The following EFCAB5 variants were observed in gnomAD, a reference collection of about 807,000 sequenced individuals.
The protein encoded by EFCAB5 is EF-hand calcium binding domain 5.
A neutral mutation model predicts 167.9 loss-of-function variants in EFCAB5; 131 were observed. That is an observed-to-expected ratio of 0.78 (90% CI 0.68 to 0.90). The LOEUF (loss-of-function observed/expected upper bound fraction) is 0.90. EFCAB5 is among the 40% of genes least tolerant of loss of function. The pLI is 0.00. For synonymous variants in EFCAB5, 574 were observed against 602.8 expected (o/e 0.95, Z 0.70); for missense variants, 1,663 against 1,745.2 (o/e 0.95, Z 0.84).
intron 3 of EFCAB5, among the ~76,000 whole-genome samples, chr17:29,955,195 T>A (rs542286116): frequency 6.6e-6 from 1 of 152,114 alleles, no homozygotes; most frequent in Admixed American, 6.5e-5. Flanking sequence ...AAGGGATGAT[T>A]GGTTTTGGAA....
At chr17:29,988,917 T>C (rs948801714) in intron 4 of EFCAB5, among the ~76,000 whole-genome samples, 14 of 152,338 alleles carry the variant, frequency 9.2e-5, no homozygotes, top group African/African-American at 3.4e-4. Context: ...GAGTCTTCTC[T>C]GGATCTATTC....
At chr17:30,032,333 A>G (rs2069499886) in intron 7 of EFCAB5, among the ~76,000 whole-genome samples, 1 of 152,162 alleles carries the variant, frequency 6.6e-6, no homozygotes, top group African/African-American at 2.4e-5. Context: ...CTCAGTTCAC[A>G]TGGAGGAATC....
chr17:30,084,590 T>C (rs906974256), intron 18 of EFCAB5, among the ~76,000 whole-genome samples: 1 of 151,962 alleles, frequency 6.6e-6, no homozygotes, highest in Admixed American at 6.6e-5. Context: ...GGGTTGTGAG[T>C]GAGATCATGG....
intron 14 of EFCAB5, among the ~76,000 whole-genome samples, chr17:30,075,250 T>TAAG (rs1435736016): frequency 6.6e-6 from 1 of 152,214 alleles, no homozygotes; most frequent in Non-Finnish European, 1.5e-5. Context: ...TTACTACATT[T>TAAG]AAGTTTTAAC....
intron 22 of EFCAB5, among the ~76,000 whole-genome samples, chr17:30,093,142 A>T (rs1374644667): frequency 6.6e-6 from 1 of 152,266 alleles, no homozygotes; most frequent in Non-Finnish European, 1.5e-5. Flanking sequence ...ATTCAAAAGC[A>T]CATCTATCTC....
At chr17:30,061,086 A>G (rs764012989) in intron 14 of EFCAB5, among the ~76,000 whole-genome samples, 7 of 152,270 alleles carry the variant, frequency 4.6e-5, no homozygotes, top group Non-Finnish European at 1.0e-4. Flanking sequence ...GTATAGCAAT[A>G]GGGACAGATA....
chr17:29,967,518 C>G (rs994047478), intron 3 of EFCAB5, among the ~76,000 whole-genome samples: 2 of 152,176 alleles, frequency 1.3e-5, no homozygotes, highest in Non-Finnish European at 2.9e-5. Flanking sequence ...AATCTGCTCC[C>G]AAATTTTATA....
At chr17:30,044,538 T>C (rs2069865222) in intron 8 of EFCAB5, among the ~76,000 whole-genome samples, 2 of 151,654 alleles carry the variant, frequency 1.3e-5, no homozygotes, top group Admixed American at 1.3e-4. Context: ...ATCACACCAC[T>C]GCACTCCAGC....
chr17:30,034,341 A>C lies in EFCAB5; in HGVS notation c.1156A>C (p.Arg386=). ...FREVIKADMR[R]QMFAELFLHC... The stretch of plus-strand genomic sequence containing the variant: ...GGAGGTCATAAAAGCTGACATGCGG[A>C]GGCAGATGTTCGCTGAACTCTTCCT... Residue 386 remains arginine, a synonymous_variant, in exon 8 of 23, where the codon AGG becomes CGG. Transcript: ENST00000394835. 1 of 1,612,170 alleles carries C rather than the reference A, an allele frequency of 6.2e-7. No individual in the cohort carries two copies. Among genetic ancestry groups the C allele is most frequent in the Non-Finnish European group, 8.5e-7 (1 of 1,178,866 alleles).
intron 14 of EFCAB5, chr17:30,073,622 G>A: frequency 2.8e-6 from 2 of 706,796 alleles, no homozygotes; most frequent in Non-Finnish European, 5.3e-6. Flanking sequence ...TTTGTTAACA[G>A]CTTTTTTCTT....
chr17:30,030,666 C>CT lies in EFCAB5; in HGVS notation c.1045-3550dup, dbSNP rs751675995. Among the ~76,000 whole-genome samples, 420 of 142,212 alleles carry CT rather than the reference C, an allele frequency of 3.0e-3. 1 individual carries two copies. The highest frequency in any genetic ancestry group is 0.017 in the East Asian group (81 of 4,874). 93.3% of individuals were successfully genotyped at this position (142,212 alleles called of 152,430 possible). A position where few individuals can be genotyped will look rare whatever the true frequency, so the allele number is the denominator to read the frequency against. ...CCAGAGAAAGGTTTTTTAACTAATT[C>CT]TTTTTTTTTTTTTTGAAACAGGGTC... On this transcript the variant is annotated intron_variant, in intron 7 of 22. Coordinates refer to ENST00000394835, the MANE Select transcript of EFCAB5 (RefSeq NM_198529.4).
chr17:30,077,685 C>T (rs1228277018), intron 14 of EFCAB5, among the ~76,000 whole-genome samples: 2 of 152,186 alleles, frequency 1.3e-5, no homozygotes, highest in Admixed American at 6.5e-5. Context: ...CCTATATGGC[C>T]TTACGGGCAG....
intron 9 of EFCAB5, 109 bp from the exon 10 acceptor site, chr17:30,053,146 C>G: frequency 1.6e-6 from 2 of 1,237,470 alleles, no homozygotes; most frequent in South Asian, 3.1e-5. Context: ...GAGCAATAGG[C>G]CTATATTACA....
intron 3 of EFCAB5, among the ~76,000 whole-genome samples, chr17:29,948,592 T>A (rs1200994133): frequency 6.6e-6 from 1 of 152,156 alleles, no homozygotes; most frequent in Non-Finnish European, 1.5e-5. Context: ...TTTCAACAGG[T>A]CAAAGGAAGT....
At chr17:30,061,535 A>G (rs1042057789) in intron 14 of EFCAB5, among the ~76,000 whole-genome samples, 2 of 152,190 alleles carry the variant, frequency 1.3e-5, no homozygotes, top group African/African-American at 2.4e-5. Context: ...GAAGATTTCT[A>G]TATGGAAGAG....
intron 10 of EFCAB5, among the ~76,000 whole-genome samples, chr17:30,055,401 G>C (rs144037747): frequency 1.1e-3 from 160 of 152,052 alleles, no homozygotes; most frequent in African/African-American, 3.6e-3. Context: ...TCTCAACTTA[G>C]TAAGGAAAGA....
At chr17:30,040,052 T>C (rs961440079) in intron 8 of EFCAB5, among the ~76,000 whole-genome samples, 4 of 152,234 alleles carry the variant, frequency 2.6e-5, no homozygotes, top group African/African-American at 7.2e-5. Flanking sequence ...CAAAAGTGAC[T>C]GTTATGCTTG....
Position 30,090,484 on chromosome 17 carries a change from G to A in EFCAB5, c.3747G>A (p.Thr1249=), listed in dbSNP as rs371248688. The change falls in exon 20 of 23, where the codon ACG becomes ACA. Residue 1249 remains threonine (T), a synonymous_variant. Transcript: ENST00000394835. ...EVVLASACGE[T]HIVVPLRERT... ...TTCTGGCTTCTGCCTGTGGAGAAAC[G>A]CATATAGTAGTTCCACTTCGTGAGA... 1.5e-5 allele frequency: 25 copies of A among 1,613,958 alleles called. No individual in the cohort carries two copies. Among genetic ancestry groups the A allele is most frequent in the East Asian group, 6.7e-5 (3 of 44,888 alleles).
Position 30,092,910 on chromosome 17 carries a change from T to C in EFCAB5, c.4295T>C (p.Val1432Ala). The C allele has an allele frequency of 1.2e-6, 2 of 1,611,072 alleles. No homozygotes were observed. The highest frequency in any genetic ancestry group is 1.7e-6 in the Non-Finnish European group (2 of 1,178,758). ...ACTGCCAAGCATGTGGAAGTTAATG[T>C]ACAGCTTATTGATGAATATATCAGA... ...DPTAKHVEVN[V>A]QLIDEYIRDH... The change falls in exon 22 of 23, where the codon GTA becomes GCA. Residue 1432 changes from valine to alanine, a missense_variant. By Grantham distance (64) the Val-to-Ala change is moderately conservative. Coordinates refer to ENST00000394835, the MANE Select transcript of EFCAB5 (RefSeq NM_198529.4).
Sources: allele counts gnomAD v4.1 joint callset (sites outside exome capture counted in the v4.1 genomes callset), GRCh38; gene constraint gnomAD v4.1.1; transcripts MANE v1.5; gene names NCBI Gene and HGNC (gene_info 2026-07-23, HGNC 2026-07-21).